Variants in VWA3B observed in about 807,000 individuals in gnomAD.
VWA3B encodes the protein von Willebrand factor A domain containing 3B.
Under a neutral mutation model 158.3 loss-of-function variants are expected in VWA3B, and 138 were observed. The ratio of observed to expected loss-of-function variants is 0.87; its 90% CI spans 0.76 to 1.00. The LOEUF (loss-of-function observed/expected upper bound fraction) is 1.00. Among genes scored for constraint, VWA3B ranks in the 50% least tolerant of loss-of-function variants. VWA3B has a pLI of 0.00. For synonymous variants in VWA3B, 596 were observed against 587.3 expected (o/e 1.01, Z -0.21); for missense variants, 1,555 against 1,565.1 (o/e 0.99, Z 0.11).
chr2:98,204,444 T>C (rs1211237010), intron 12 of VWA3B, among the ~76,000 whole-genome samples: 1 of 152,248 alleles, frequency 6.6e-6, no homozygotes, highest in Non-Finnish European at 1.5e-5. Flanking sequence ...CTATTCCTAA[T>C]GTACTGAATT....
intron 2 of VWA3B, among the ~76,000 whole-genome samples, chr2:98,099,741 T>C (rs1392874844): frequency 6.6e-6 from 1 of 152,148 alleles, no homozygotes; most frequent in African/African-American, 2.4e-5. Flanking sequence ...CCCATAGCTT[T>C]CTTCATTCCC....
At chr2:98,138,577 G>A (rs929312921) in intron 7 of VWA3B, among the ~76,000 whole-genome samples, 4 of 152,172 alleles carry the variant, frequency 2.6e-5, no homozygotes, top group African/African-American at 4.8e-5. Context: ...GCGGGGGCGC[G>A]GATCTCATAA....
intron 11 of VWA3B, 113 bp downstream of exon 11, chr2:98,193,149 A>T (rs1681743844): frequency 7.5e-7 from 1 of 1,333,902 alleles, no homozygotes; most frequent in Admixed American, 2.4e-5. Context: ...AATTCAGAGA[A>T]GTACTCCCTT....
Position 98,187,962 on chromosome 2 carries a change from G to A in VWA3B, c.1312-13G>A. 6.3e-7 allele frequency: 1 copy of A among 1,595,176 alleles called. No individual in the cohort carries two copies. The highest frequency in any genetic ancestry group is 8.5e-7 in the Non-Finnish European group (1 of 1,170,240). ...AGTTTCTGAGTGGCTTCTGTCCTTT[G>A]TCATCTCCTTAGGAGACGAACAAGA... On this transcript the variant is annotated splice_polypyrimidine_tract_variant and intron_variant, in intron 9 of 27. Transcript: ENST00000477737.
chr2:98,270,731 A>C lies in VWA3B; in HGVS notation c.2893A>C (p.Asn965His), dbSNP rs1327045198. Residue 965 changes from asparagine to histidine, a missense_variant, in exon 22 of 28, where the codon AAC becomes CAC. By Grantham distance (68) the Asn-to-His change is moderately conservative. Transcript: ENST00000477737. Reference protein sequence around the residue: ...IQYLENKTVLNQALERLNWPI... With the variant: ...IQYLENKTVLHQALERLNWPI... ...GTACTTGGAAAACAAAACAGTTTTA[A>C]ACCAGGCTTTAGAACGGTTGAATTG... 3.7e-6 allele frequency: 6 copies of C among 1,614,044 alleles called. No homozygotes were observed. The highest frequency in any genetic ancestry group is 5.1e-6 in the Non-Finnish European group (6 of 1,179,988).
At chr2:98,223,288 A>G in intron 14 of VWA3B, among the ~76,000 whole-genome samples, 1 of 148,406 alleles carries the variant, frequency 6.7e-6, no homozygotes, top group African/African-American at 2.5e-5. Context: ...GTCACTCTAA[A>G]CAACAGAGAG....
chr2:98,135,238 G>A (rs1395294410), intron 7 of VWA3B, among the ~76,000 whole-genome samples: 7 of 151,550 alleles, frequency 4.6e-5, no homozygotes, highest in Non-Finnish European at 1.0e-4. Flanking sequence ...GTTATAAAGG[G>A]AAATACAAAC....
At chr2:98,139,796 A>G (rs187907585) in intron 7 of VWA3B, among the ~76,000 whole-genome samples, 210 of 152,298 alleles carry the variant, frequency 1.4e-3, no homozygotes, top group African/African-American at 4.8e-3. Context: ...GGGTGGGGCC[A>G]GATAAGAGAA....
intron 19 of VWA3B, among the ~76,000 whole-genome samples, chr2:98,237,125 G>A (rs557470350): frequency 6.6e-6 from 1 of 152,242 alleles, no homozygotes; most frequent in Non-Finnish European, 1.5e-5. Context: ...GCAGTGAGCG[G>A]TGATTGCGTC....
intron 2 of VWA3B, among the ~76,000 whole-genome samples, chr2:98,114,224 T>C (rs904849212): frequency 1.3e-5 from 2 of 152,214 alleles, no homozygotes; most frequent in Non-Finnish European, 2.9e-5. Flanking sequence ...AAGCCTTCCA[T>C]AGTCTTATTT....
intron 16 of VWA3B, 73 bp downstream of exon 16, chr2:98,230,280 C>A: frequency 7.3e-7 from 1 of 1,365,518 alleles, no homozygotes; most frequent in Non-Finnish European, 9.6e-7. Flanking sequence ...AAAACTAAAC[C>A]CACATAATAT....
chr2:98,296,238 G>T (rs1689793205), intron 23 of VWA3B, among the ~76,000 whole-genome samples: 1 of 152,222 alleles, frequency 6.6e-6, no homozygotes, highest in Admixed American at 6.5e-5. Flanking sequence ...GGCTGTAGTG[G>T]CAGCTCAGAC....
intron 22 of VWA3B, among the ~76,000 whole-genome samples, chr2:98,275,643 C>T (rs79488793): frequency 0.039 from 5,907 of 152,318 alleles, 165 homozygotes; most frequent in Middle Eastern, 0.075. Flanking sequence ...TGGGAGAGTG[C>T]ACAGCACCAG....
At chr2:98,204,994 C>T (rs1682894576) in intron 12 of VWA3B, among the ~76,000 whole-genome samples, 1 of 152,100 alleles carries the variant, frequency 6.6e-6, no homozygotes, top group Admixed American at 6.6e-5. Context: ...GCCTGTAATC[C>T]CAGCTACTTG....
At chr2:98,188,209 T>C (rs903817484) in intron 10 of VWA3B, 80 bp downstream of exon 10, 53 of 1,523,330 alleles carry the variant, frequency 3.5e-5, no homozygotes, top group Non-Finnish European at 4.7e-5. Flanking sequence ...TTCCTCCCTT[T>C]TATTTTTAGT....
chr2:98,266,966 T>C (rs1344669406), intron 21 of VWA3B, among the ~76,000 whole-genome samples: 13 of 150,552 alleles, frequency 8.6e-5, no homozygotes, highest in Non-Finnish European at 4.5e-5. Context: ...TGGGGTTTTC[T>C]AGATATACAA....
downstream of VWA3B, among the ~76,000 whole-genome samples, chr2:98,316,503 G>C (rs909017743): frequency 4.6e-5 from 7 of 152,048 alleles, no homozygotes; most frequent in African/African-American, 1.7e-4. Context: ...AAATTGCTGG[G>C]TGTGGTGACA....
intron 23 of VWA3B, among the ~76,000 whole-genome samples, chr2:98,295,043 G>A (rs1023162830): frequency 3.9e-5 from 6 of 152,156 alleles, no homozygotes; most frequent in African/African-American, 1.4e-4. Context: ...CTCCTGGGGA[G>A]GAGGGAGCTG....
At chr2:98,220,113 G>T (rs771610984) in intron 14 of VWA3B, among the ~76,000 whole-genome samples, 1 of 141,992 alleles carries the variant, frequency 7.0e-6, no homozygotes, top group East Asian at 2.1e-4. Context: ...GCAGTGAGCC[G>T]AGATCACACC....
Sources: allele counts gnomAD v4.1 joint callset (sites outside exome capture counted in the v4.1 genomes callset), GRCh38; gene constraint gnomAD v4.1.1; transcripts MANE v1.5; gene names NCBI Gene and HGNC (gene_info 2026-07-23, HGNC 2026-07-21).